The following DPP6 variants were observed in gnomAD, a reference collection of about 807,000 sequenced individuals.
DPP6 encodes A-type potassium channel modulatory protein DPP6.
In DPP6, 69 loss-of-function variants were observed where a neutral mutation model predicts 122.6. That is an observed-to-expected ratio of 0.56 (90% CI 0.46 to 0.69). The LOEUF (loss-of-function observed/expected upper bound fraction) is 0.69. DPP6 is among the 30% of genes least tolerant of loss of function. The pLI is 0.00. For missense variants in DPP6, 928 were observed against 1,116.9 expected, an observed-to-expected ratio of 0.83 and a Z score of 2.41; for synonymous variants, 418 against 433.1, an observed-to-expected ratio of 0.97 and a Z score of 0.43.
At chr7:154,829,162 C>T (rs534970443) in intron 16 of DPP6, among the ~76,000 whole-genome samples, 24 of 151,946 alleles carry the variant, frequency 1.6e-4, no homozygotes, top group African/African-American at 5.3e-4. Flanking sequence ...GCAGGTGGAT[C>T]GCTTGAGCTC....
chr7:154,687,868 C>G (rs1372346849), intron 7 of DPP6, among the ~76,000 whole-genome samples: 1 of 152,180 alleles, frequency 6.6e-6, no homozygotes, highest in Non-Finnish European at 1.5e-5. Flanking sequence ...GTGACGCATG[C>G]TTACAATTAT....
chr7:154,727,304 C>A (rs953495573), intron 7 of DPP6, among the ~76,000 whole-genome samples: 2 of 152,114 alleles, frequency 1.3e-5, no homozygotes, highest in African/African-American at 4.8e-5. Flanking sequence ...AGGAAGAGAG[C>A]ACAGGGGGAG....
intron 1 of DPP6, among the ~76,000 whole-genome samples, chr7:153,902,560 C>T (rs1055874095): frequency 1.4e-4 from 22 of 152,154 alleles, no homozygotes; most frequent in South Asian, 1.0e-3. Context: ...ATAGGCCGGG[C>T]GTGGTGGCTC....
chr7:154,003,816 AT>A, intron 1 of DPP6, among the ~76,000 whole-genome samples: 1 of 152,288 alleles, frequency 6.6e-6, no homozygotes, highest in Non-Finnish European at 1.5e-5. Context: ...TTGCATGGCC[AT>A]GACAAGCGCA....
chr7:154,377,670 C>T (rs1456590573), intron 1 of DPP6, among the ~76,000 whole-genome samples: 1 of 152,086 alleles, frequency 6.6e-6, no homozygotes, highest in African/African-American at 2.4e-5. Flanking sequence ...GTAAGACGTG[C>T]CTTGCTTCCC....
chr7:154,178,065 A>G (rs959143854), intron 1 of DPP6, among the ~76,000 whole-genome samples: 11 of 152,330 alleles, frequency 7.2e-5, no homozygotes, highest in African/African-American at 2.6e-4. Context: ...TACTTCAGAA[A>G]GCACTTGGGG....
chr7:154,406,429 G>GCACA (rs10610650), intron 1 of DPP6, among the ~76,000 whole-genome samples: 5 of 149,630 alleles, frequency 3.3e-5, no homozygotes, highest in Non-Finnish European at 5.9e-5. Context: ...ACACACGCAT[G>GCACA]CACACACACA....
intron 1 of DPP6, among the ~76,000 whole-genome samples, chr7:154,250,258 A>G (rs768467063): frequency 6.6e-6 from 1 of 151,900 alleles, no homozygotes; most frequent in Non-Finnish European, 1.5e-5. Flanking sequence ...TCCTTCTTCA[A>G]CTCGGTGTCT....
chr7:154,468,811 T>A (rs1278515332), intron 2 of DPP6, among the ~76,000 whole-genome samples: 1 of 152,240 alleles, frequency 6.6e-6, no homozygotes, highest in Non-Finnish European at 1.5e-5. Flanking sequence ...GTTATGCTAC[T>A]AGTTTTCTTA....
At chr7:154,803,673 G>C (rs1254860364) in intron 13 of DPP6, among the ~76,000 whole-genome samples, 191 bp from the exon 14 acceptor site, 1 of 152,208 alleles carries the variant, frequency 6.6e-6, no homozygotes, top group Non-Finnish European at 1.5e-5. Flanking sequence ...CTGCGGGCCT[G>C]GGGTTGGTTG....
chr7:153,855,756 C>T, the DPP6 span, among the ~76,000 whole-genome samples: 4 of 152,088 alleles, frequency 2.6e-5, no homozygotes, highest in Non-Finnish European at 4.4e-5. Flanking sequence ...GGAAGTGCCT[C>T]AAGGTCAGAC....
intron 10 of DPP6, among the ~76,000 whole-genome samples, chr7:154,791,500 T>TG (rs1490601027): frequency 6.6e-6 from 1 of 152,062 alleles, no homozygotes; most frequent in African/African-American, 2.4e-5. Context: ...GGGAACAGCA[T>TG]GGGGGAAACC....
intron 7 of DPP6, among the ~76,000 whole-genome samples, chr7:154,693,220 T>C (rs1840033372): frequency 6.6e-6 from 1 of 152,166 alleles, no homozygotes; most frequent in Non-Finnish European, 1.5e-5. Flanking sequence ...GACAGCTGCA[T>C]TGCAGTTGCA....
At chr7:153,775,630 A>G in the DPP6 span, among the ~76,000 whole-genome samples, 355 of 152,282 alleles carry the variant, frequency 2.3e-3, no homozygotes, top group African/African-American at 7.7e-3. Context: ...AAATTTGAAC[A>G]TAAGAAAACT....
chr7:154,056,103 T>G (rs1426743634), intron 1 of DPP6, among the ~76,000 whole-genome samples: 13 of 152,308 alleles, frequency 8.5e-5, no homozygotes, highest in South Asian at 6.2e-4. Context: ...TAATAATGCA[T>G]GGTCTAAATG....
chr7:154,806,924 C>T, intron 15 of DPP6, 70 bp from the exon 16 acceptor site: 1 of 1,576,310 alleles, frequency 6.3e-7, no homozygotes, highest in Non-Finnish European at 8.6e-7. Flanking sequence ...AGCCCACCAG[C>T]TTGCGGCACC....
chr7:154,595,374 T>G (rs1833033538), intron 5 of DPP6, among the ~76,000 whole-genome samples: 1 of 152,144 alleles, frequency 6.6e-6, no homozygotes, highest in Admixed American at 6.5e-5. Context: ...CTTGCTGCCT[T>G]CTACTCTGAC....
chr7:153,868,430 T>C, the DPP6 span, among the ~76,000 whole-genome samples: 2 of 152,346 alleles, frequency 1.3e-5, no homozygotes, highest in Non-Finnish European at 1.5e-5. Flanking sequence ...TTTTCTAGTT[T>C]ATTTGCGTAG....
At chr7:154,381,765 G>A (rs896325069) in intron 1 of DPP6, among the ~76,000 whole-genome samples, 4 of 152,230 alleles carry the variant, frequency 2.6e-5, no homozygotes, top group African/African-American at 9.6e-5. Flanking sequence ...ATCCATGTAT[G>A]TGTCTGCATG....
Sources: gnomAD v4.1 joint callset for allele counts (sites outside exome capture counted in the v4.1 genomes callset) on GRCh38, gnomAD v4.1.1 for gene constraint, MANE v1.5 for transcripts, NCBI Gene and HGNC (gene_info 2026-07-23, HGNC 2026-07-21) for gene names.